GRB10: variants seen among roughly 807,000 people sequenced by gnomAD.
GRB10 encodes growth factor receptor-bound protein 10.
Under a neutral mutation model 80.9 loss-of-function variants are expected in GRB10, and 20 were observed. The observed-to-expected ratio is 0.25, with a 90% CI of 0.17 to 0.36. The LOEUF (loss-of-function observed/expected upper bound fraction) is 0.36. GRB10 is among the 10% of genes least tolerant of loss of function. The pLI, the probability that GRB10 is intolerant of heterozygous loss-of-function variation, is 1.00. For missense variants in GRB10, 548 were observed against 747.7 expected, an observed-to-expected ratio of 0.73 and a Z score of 3.12; for synonymous variants, 291 against 291.5, an observed-to-expected ratio of 1.00 and a Z score of 0.02.
At chr7:50,661,589 T>C (rs558354527) in intron 7 of GRB10, among the ~76,000 whole-genome samples, 2 of 152,314 alleles carry the variant, frequency 1.3e-5, no homozygotes, top group South Asian at 4.1e-4. Flanking sequence ...TTCTCTAGGG[T>C]GCCCCTGGGG....
At chr7:50,639,079 G>A (rs1267734411) in intron 7 of GRB10, among the ~76,000 whole-genome samples, 8 of 152,164 alleles carry the variant, frequency 5.3e-5, no homozygotes, top group African/African-American at 1.9e-4. Flanking sequence ...AGACATTGGG[G>A]ACTCCAAAAT....
intron 4 of GRB10, chr7:50,710,871 T>C: frequency 6.2e-7 from 1 of 1,612,726 alleles, no homozygotes; most frequent in Non-Finnish European, 8.5e-7. Context: ...CAGCGGGCAC[T>C]GACCTTACTA....
At chr7:50,724,136 G>A (rs1051990289) in intron 4 of GRB10, among the ~76,000 whole-genome samples, 2 of 152,134 alleles carry the variant, frequency 1.3e-5, no homozygotes, top group Non-Finnish European at 2.9e-5. Flanking sequence ...GACACACCAA[G>A]GCCACAATGG....
chr7:50,641,136 C>T (rs1161397906), intron 7 of GRB10, among the ~76,000 whole-genome samples: 5 of 135,556 alleles, frequency 3.7e-5, no homozygotes, highest in Non-Finnish European at 3.2e-5. Flanking sequence ...CAGAGAGTCA[C>T]ATCTTGCTCA....
At chr7:50,770,632 C>T (rs920497013) in intron 2 of GRB10, among the ~76,000 whole-genome samples, 1 of 152,150 alleles carries the variant, frequency 6.6e-6, no homozygotes, top group Non-Finnish European at 1.5e-5. Flanking sequence ...GAATGCACAG[C>T]GGAGTTTTCT....
intron 3 of GRB10, among the ~76,000 whole-genome samples, chr7:50,733,840 G>A (rs1288964531): frequency 6.6e-6 from 1 of 152,162 alleles, no homozygotes; most frequent in South Asian, 2.1e-4. Flanking sequence ...AATGTCTACA[G>A]TTACTTGGCT....
chr7:50,707,829 G>A (rs1424257814), intron 4 of GRB10, among the ~76,000 whole-genome samples: 9 of 152,274 alleles, frequency 5.9e-5, no homozygotes, highest in Non-Finnish European at 8.8e-5. Flanking sequence ...AGCCCCTTGC[G>A]TGCTTCCTGT....
intron 3 of GRB10, among the ~76,000 whole-genome samples, chr7:50,744,456 A>G (rs1041457608): frequency 2.0e-5 from 3 of 152,166 alleles, no homozygotes; most frequent in Non-Finnish European, 4.4e-5. Context: ...GTTCATGTAT[A>G]ATTTTTTACT....
chr7:50,605,456 T>A, intron 14 of GRB10, 50 bp from the exon 15 acceptor site: 1 of 1,412,572 alleles, frequency 7.1e-7, no homozygotes, highest in Non-Finnish European at 1.0e-6. Flanking sequence ...TAAGGCAGAG[T>A]GGAGTCTTGG....
At chr7:50,673,461 A>G (rs2060571145) in intron 6 of GRB10, among the ~76,000 whole-genome samples, 1 of 151,988 alleles carries the variant, frequency 6.6e-6, no homozygotes, top group Non-Finnish European at 1.5e-5. Context: ...CCTCCCAGGC[A>G]CTCGAGACAA....
intron 3 of GRB10, among the ~76,000 whole-genome samples, chr7:50,734,378 G>A (rs1293910558): frequency 1.3e-5 from 2 of 152,102 alleles, no homozygotes; most frequent in Admixed American, 6.5e-5. Context: ...CATCTCTGAG[G>A]GCCTGGGAGA....
chr7:50,701,168 T>C (rs2064157512), intron 5 of GRB10, among the ~76,000 whole-genome samples: 1 of 152,234 alleles, frequency 6.6e-6, no homozygotes, highest in Non-Finnish European at 1.5e-5. Flanking sequence ...CACATTCTTT[T>C]AGTAATTACA....
chr7:50,623,722 G>T (rs1025184521), intron 8 of GRB10, among the ~76,000 whole-genome samples: 1 of 152,258 alleles, frequency 6.6e-6, no homozygotes, highest in Non-Finnish European at 1.5e-5. Flanking sequence ...GTATAGAAAA[G>T]GTTTAATATT....
At chr7:50,736,406 C>G (rs1381342101) in intron 3 of GRB10, among the ~76,000 whole-genome samples, 1 of 152,184 alleles carries the variant, frequency 6.6e-6, no homozygotes. Context: ...AAACAAACAG[C>G]CCAGAAATAA....
chr7:50,741,361 G>A (rs1490719922), intron 3 of GRB10, among the ~76,000 whole-genome samples: 3 of 152,076 alleles, frequency 2.0e-5, no homozygotes, highest in South Asian at 2.1e-4. Context: ...TTACAAAAAT[G>A]CAAAGATCTC....
intron 4 of GRB10, chr7:50,710,841 G>A (rs776194800): frequency 1.2e-6 from 2 of 1,609,916 alleles, no homozygotes; most frequent in African/African-American, 1.3e-5. Flanking sequence ...AGCAACTAAA[G>A]GTACTGAGTG....
chr7:50,694,073 C>G (rs1416092930), intron 5 of GRB10, among the ~76,000 whole-genome samples: 2 of 152,148 alleles, frequency 1.3e-5, no homozygotes, highest in African/African-American at 2.4e-5. Context: ...GCAATCCTGG[C>G]TCATGCCTGT....
chr7:50,692,158 A>C (rs1455573526), intron 5 of GRB10, among the ~76,000 whole-genome samples: 3 of 152,172 alleles, frequency 2.0e-5, no homozygotes, highest in African/African-American at 7.2e-5. Flanking sequence ...TAATCTAGAG[A>C]TGATTTAAAG....
intron 13 of GRB10, among the ~76,000 whole-genome samples, chr7:50,610,856 G>T (rs532504428): frequency 6.6e-6 from 1 of 152,100 alleles, no homozygotes; most frequent in African/African-American, 2.4e-5. Context: ...CCTGTGGCTC[G>T]TTATGTTAGC....
Sources: gnomAD v4.1 joint callset for allele counts (sites outside exome capture counted in the v4.1 genomes callset) on GRCh38, gnomAD v4.1.1 for gene constraint, MANE v1.5 for transcripts, NCBI Gene and HGNC (gene_info 2026-07-23, HGNC 2026-07-21) for gene names.